The following B3GALT1 variants were observed in gnomAD, a reference collection of about 807,000 sequenced individuals.
The protein encoded by B3GALT1 is beta-1,3-galactosyltransferase 1.
Under a neutral mutation model 23.2 loss-of-function variants are expected in B3GALT1, and 10 were observed. That is an observed-to-expected ratio of 0.43 (90% CI 0.27 to 0.73). B3GALT1 has a LOEUF of 0.73. B3GALT1 is among the 30% of genes least tolerant of loss of function. The pLI is 0.21. For synonymous variants in B3GALT1, 156 were observed against 141.5 expected, an observed-to-expected ratio of 1.10 and a Z score of -0.73; for missense variants, 299 against 405.4, an observed-to-expected ratio of 0.74 and a Z score of 2.25.
chr2:167,504,198 C>T (rs972301574), intron 2 of B3GALT1, among the ~76,000 whole-genome samples: 2 of 152,118 alleles, frequency 1.3e-5, no homozygotes, highest in Non-Finnish European at 2.9e-5. Context: ...TAATTCTGTG[C>T]CAAGCCCATA....
rs534524346 is a variant in B3GALT1, at chr2:167,677,097, G to C, written c.-352+30131G>C. 2.6e-5 allele frequency among the ~76,000 whole-genome samples: 4 copies of C among 152,180 alleles called. No individual in the cohort carries two copies. The East Asian group carries it at 7.7e-4, about 29-fold the overall frequency. On this transcript the variant is annotated intron_variant, in intron 3 of 4. Transcript: ENST00000392690. ...TGAGGGGTAGGAAAAAGGGGGTGTA[G>C]GTCAATTAATATGAAGTATCAGATA...
In B3GALT1 at chr2:167,577,900, T is replaced by C. The variant is rs184830026; in HGVS notation, c.-409-69009T>C. ...AGAAGTTAAGAAAGATGTCTCTTAG[T>C]GAATATGCACATGAGAAAACTCTGC... On this transcript the variant is annotated intron_variant, in intron 2 of 4. Transcript: ENST00000392690. Among the ~76,000 whole-genome samples, 31 of 152,046 alleles carry C rather than the reference T, an allele frequency of 2.0e-4. No homozygotes were observed. The East Asian group carries it at 6.0e-3, about 29-fold the overall frequency.
intron 1 of B3GALT1, among the ~76,000 whole-genome samples, chr2:167,457,889 T>A (rs112465778): frequency 0.025 from 3,777 of 152,282 alleles, 154 homozygotes; most frequent in African/African-American, 0.086. Context: ...CAACAATCTG[T>A]ATGTTATCAA....
At chr2:167,396,382 G>T (rs1698095795) in intron 1 of B3GALT1, among the ~76,000 whole-genome samples, 1 of 151,768 alleles carries the variant, frequency 6.6e-6, no homozygotes, top group Non-Finnish European at 1.5e-5. Flanking sequence ...TAAATAGAGT[G>T]AGCCTTTGGG....
intron 4 of B3GALT1, among the ~76,000 whole-genome samples, chr2:167,848,210 A>G (rs1363062519): frequency 6.6e-6 from 1 of 152,202 alleles, no homozygotes; most frequent in African/African-American, 2.4e-5. Flanking sequence ...CACAAGATAT[A>G]GACAGAAGGA....
rs542652975 is a variant in B3GALT1 at position 167,302,757 on chromosome 2, C to T, written c.-511+9423C>T. 3.3e-5 allele frequency among the ~76,000 whole-genome samples: 5 copies of T among 152,122 alleles called. No homozygotes were observed. In the South Asian group the frequency reaches 8.3e-4, roughly 25 times the overall value. On this transcript the variant is annotated intron_variant, in intron 1 of 4. Coordinates refer to ENST00000392690, the MANE Select transcript of B3GALT1 (RefSeq NM_020981.4). ...GACAATATGAGCTATTCTAGTCTAG[C>T]CCAGTTATTTATTAAATACAATTAA...
At chr2:167,767,642 A>G (rs754425226) in intron 3 of B3GALT1, among the ~76,000 whole-genome samples, 1 of 152,208 alleles carries the variant, frequency 6.6e-6, no homozygotes, top group South Asian at 2.1e-4. Flanking sequence ...AAGACACCAC[A>G]TATTTGTTAA....
intron 4 of B3GALT1, among the ~76,000 whole-genome samples, chr2:167,827,097 C>T (rs1348236223): frequency 6.6e-6 from 1 of 152,130 alleles, no homozygotes; most frequent in Non-Finnish European, 1.5e-5. Flanking sequence ...CCAAGAACAC[C>T]AGTGGGACAG....
intron 1 of B3GALT1, among the ~76,000 whole-genome samples, chr2:167,297,769 A>G (rs1436516782): frequency 6.6e-6 from 1 of 152,162 alleles, no homozygotes; most frequent in African/African-American, 2.4e-5. Flanking sequence ...TTTGCGAACA[A>G]TATTTTCATA....
intron 1 of B3GALT1, among the ~76,000 whole-genome samples, chr2:167,336,622 A>G (rs1574038071): frequency 6.6e-6 from 1 of 152,178 alleles, no homozygotes; most frequent in Non-Finnish European, 1.5e-5. Flanking sequence ...TTCTTTATCT[A>G]CTTTTAAAAT....
intron 2 of B3GALT1, among the ~76,000 whole-genome samples, chr2:167,565,913 C>G (rs1254384292): frequency 3.9e-5 from 6 of 152,098 alleles, no homozygotes; most frequent in Admixed American, 3.3e-4. Flanking sequence ...GGACTGTAAA[C>G]TAGTTCAACC....
At position 167,630,207 on chromosome 2, in the gene B3GALT1, G is replaced by A. The variant is rs910490484; in HGVS notation, c.-409-16702G>A. 7.2e-5 allele frequency among the ~76,000 whole-genome samples: 11 copies of A among 151,900 alleles called. No individual in the cohort carries two copies. In the South Asian group the frequency reaches 2.3e-3, roughly 32 times the overall value. Reference sequence around the variant, plus strand: ...ATACACTTACCACAATGCATTAAATGTAGGCATATTGGTTAGTTATGCAGA... The same window carrying A: ...ATACACTTACCACAATGCATTAAATATAGGCATATTGGTTAGTTATGCAGA... On this transcript the variant is annotated intron_variant, in intron 2 of 4. Transcript: ENST00000392690.
intron 1 of B3GALT1, among the ~76,000 whole-genome samples, chr2:167,330,226 A>G: frequency 6.6e-6 from 1 of 150,782 alleles, no homozygotes; most frequent in East Asian, 1.9e-4. Context: ...TTTTTTGTTT[A>G]TTTTTGTCTG....
intron 2 of B3GALT1, among the ~76,000 whole-genome samples, chr2:167,585,836 A>G (rs183157668): frequency 5.9e-5 from 9 of 152,330 alleles, no homozygotes. Context: ...AATAAATACT[A>G]TGGAAGAATA....
At chr2:167,385,768 A>C (rs796690982) in intron 1 of B3GALT1, among the ~76,000 whole-genome samples, 12 of 152,278 alleles carry the variant, frequency 7.9e-5, no homozygotes, top group African/African-American at 2.6e-4. Context: ...GGTGGACACC[A>C]CTAGCACAGG....
intron 1 of B3GALT1, among the ~76,000 whole-genome samples, chr2:167,478,740 C>G (rs1018234486): frequency 3.3e-5 from 5 of 151,602 alleles, no homozygotes; most frequent in Non-Finnish European, 7.4e-5. Flanking sequence ...TGATAGGCCC[C>G]GGTGTGTGAT....
chr2:167,854,641 A>T (rs1283565628), intron 4 of B3GALT1, among the ~76,000 whole-genome samples: 1 of 152,160 alleles, frequency 6.6e-6, no homozygotes, highest in Admixed American at 6.5e-5. Flanking sequence ...GAGGTATCTG[A>T]TGGGTGGAAA....
chr2:167,650,549 G>A (rs1685844237), intron 3 of B3GALT1, among the ~76,000 whole-genome samples: 1 of 151,882 alleles, frequency 6.6e-6, no homozygotes, highest in Admixed American at 6.6e-5. Context: ...CATAGAATGA[G>A]TTAGAAAGTG....
At chr2:167,816,491 A>AT (rs1209014241) in intron 3 of B3GALT1, among the ~76,000 whole-genome samples, 1 of 151,992 alleles carries the variant, frequency 6.6e-6, no homozygotes, top group Non-Finnish European at 1.5e-5. Flanking sequence ...AGTGAATGCT[A>AT]TGATGACTAT....
Sources: gnomAD v4.1 joint callset for allele counts (sites outside exome capture counted in the v4.1 genomes callset) on GRCh38, gnomAD v4.1.1 for gene constraint, MANE v1.5 for transcripts, NCBI Gene and HGNC (gene_info 2026-07-23, HGNC 2026-07-21) for gene names.